Variants in TEX14 observed in about 807,000 individuals in gnomAD.
The protein encoded by TEX14 is testis expressed 14, intercellular bridge forming factor.
A neutral mutation model predicts 178.6 loss-of-function variants in TEX14; 168 were observed. The observed-to-expected ratio is 0.94, with a 90% CI of 0.83 to 1.07. The LOEUF is 1.07. Among genes scored for constraint, TEX14 ranks in the 50% least tolerant of loss-of-function variants. The pLI is 0.00. For synonymous variants in TEX14, 626 were observed against 634.1 expected, an observed-to-expected ratio of 0.99 and a Z score of 0.19; for missense variants, 1,730 against 1,753.6, an observed-to-expected ratio of 0.99 and a Z score of 0.24.
intron 18 of TEX14, 91 bp from the exon 19 acceptor site, chr17:58,584,691 A>G: frequency 5.7e-6 from 6 of 1,049,374 alleles, no homozygotes; most frequent in South Asian, 1.3e-5. Context: ...GAAGAGATGT[A>G]TACATATTCT....
At position 58,572,031 on chromosome 17, in the gene TEX14, C is replaced by A. The variant is rs747014221; in HGVS notation, c.3607G>T (p.Glu1203Ter). ...TEFASCWNSQ[E>*]FIQTLSDDFI... The stretch of plus-strand genomic sequence containing the variant: ...TCATCAGACAAAGTTTGAATAAATT[C>A]TTGACTGTTCCAGCAAGAGGCAAAC... The change falls in exon 24 of 32, where the codon GAA (glutamate) becomes TAA (stop). Residue 1203 changes from glutamate to a stop codon, truncating the protein, a stop_gained. Coordinates refer to ENST00000349033, the MANE Select transcript of TEX14 (RefSeq NM_031272.5). LOFTEE classifies it high-confidence loss of function. 6 of 1,614,108 alleles carry A rather than the reference C, an allele frequency of 3.7e-6. No individual in the cohort carries two copies. Among genetic ancestry groups the A allele is most frequent in the Non-Finnish European group, 1.7e-6 (2 of 1,180,000 alleles).
intron 29 of TEX14, among the ~76,000 whole-genome samples, chr17:58,560,810 T>C (rs2044258358): frequency 6.6e-6 from 1 of 152,230 alleles, no homozygotes; most frequent in African/African-American, 2.4e-5. Context: ...GTCCTAGGAC[T>C]CCTCTGAACA....
chr17:58,598,285 G>C (rs1168302028), intron 14 of TEX14, among the ~76,000 whole-genome samples: 8 of 147,918 alleles, frequency 5.4e-5, no homozygotes, highest in African/African-American at 1.5e-4. Context: ...CTGCACTCCA[G>C]CCTGGGCAAC....
At chr17:58,687,485 C>T (rs934206597) in intron 1 of TEX14, among the ~76,000 whole-genome samples, 2 of 152,014 alleles carry the variant, frequency 1.3e-5, no homozygotes, top group Admixed American at 1.3e-4. Flanking sequence ...ATCGGGTGCT[C>T]TACCCACACC....
At chr17:58,559,410 C>G in intron 30 of TEX14, 43 bp downstream of exon 30, 1 of 845,796 alleles carries the variant, frequency 1.2e-6, no homozygotes, top group Non-Finnish European at 1.9e-6. Context: ...ACATCAAAGC[C>G]CAAGGACTAC....
intron 1 of TEX14, chr17:58,660,338 T>C (rs1372402553): frequency 4.5e-6 from 1 of 221,684 alleles, no homozygotes; most frequent in Non-Finnish European, 8.6e-6. Context: ...GAGGTGGAGG[T>C]TGCAGTGAGC....
In TEX14 at chr17:58,621,735, C is replaced by A. The variant is rs919615029; in HGVS notation, c.469G>T (p.Gly157Cys). The A allele has an allele frequency of 6.2e-7, 1 of 1,614,158 alleles. No individual in the cohort carries two copies. The highest frequency in any genetic ancestry group is 8.5e-7 in the Non-Finnish European group (1 of 1,180,020). The change falls in exon 5 of 32, where the codon GGC (glycine) becomes TGC (cysteine). Residue 157 changes from glycine (G) to cysteine (C), a missense_variant. Physicochemically the swap from Gly to Cys is radical, Grantham distance 159. Coordinates refer to ENST00000349033, the MANE Select transcript of TEX14 (RefSeq NM_031272.5). ...CASHMQAIIQ[G>C]FSYDLLKKID... is the part of the protein sequence containing the mutation. ...TTCTTCAGGAGGTCGTAAGAGAAGCCCTGGATGATGGCCTGCATGTGTGAG... is the reference window on the plus strand; with the variant it reads ...TTCTTCAGGAGGTCGTAAGAGAAGCACTGGATGATGGCCTGCATGTGTGAG...
intron 15 of TEX14, among the ~76,000 whole-genome samples, chr17:58,591,448 G>C (rs926147810): frequency 5.3e-5 from 8 of 152,140 alleles, no homozygotes; most frequent in Non-Finnish European, 1.0e-4. Flanking sequence ...AACCTGGGAG[G>C]TGGAGGTTGC....
chr17:58,631,558 C>T (rs554483926), intron 2 of TEX14: 1 of 152,014 alleles, frequency 6.6e-6, no homozygotes, highest in East Asian at 1.9e-4. Context: ...TCAAAACACA[C>T]ATCTGGCATA....
chr17:58,589,430 C>T (rs558178821), intron 15 of TEX14, among the ~76,000 whole-genome samples: 5 of 146,398 alleles, frequency 3.4e-5, no homozygotes, highest in East Asian at 4.1e-4. Flanking sequence ...GGCATGGTGG[C>T]GGGCGCCTGT....
chr17:58,635,192 A>G (rs2046407140), intron 2 of TEX14, among the ~76,000 whole-genome samples: 1 of 152,102 alleles, frequency 6.6e-6, no homozygotes, highest in South Asian at 2.1e-4. Context: ...TGTTGCTATG[A>G]GTAATAAACC....
At chr17:58,563,801 C>T (rs1001310840) in intron 28 of TEX14, among the ~76,000 whole-genome samples, 3 of 139,186 alleles carry the variant, frequency 2.2e-5, no homozygotes, top group African/African-American at 7.9e-5. Flanking sequence ...TATATGTATA[C>T]ACACACACAG....
At chr17:58,657,009 A>G (rs945981600) in intron 1 of TEX14, among the ~76,000 whole-genome samples, 2 of 151,566 alleles carry the variant, frequency 1.3e-5, no homozygotes, top group Non-Finnish European at 2.9e-5. Context: ...GGATCTTGCT[A>G]CATTGCCCAG....
chr17:58,570,549 A>T (rs1187409275), intron 24 of TEX14, 65 bp from the exon 25 acceptor site: 2 of 1,112,834 alleles, frequency 1.8e-6, no homozygotes, highest in Non-Finnish European at 2.5e-6. Flanking sequence ...TATGCAGCTC[A>T]GTCATTTCCA....
chr17:58,626,615 C>G (rs2046150098), intron 3 of TEX14, among the ~76,000 whole-genome samples: 1 of 145,310 alleles, frequency 6.9e-6, no homozygotes, highest in Non-Finnish European at 1.5e-5. Flanking sequence ...GGTGTGGTAG[C>G]TCACACCTAA....
intron 28 of TEX14, among the ~76,000 whole-genome samples, chr17:58,563,811 GACACACACACACAC>G (rs113071230): frequency 2.2e-5 from 3 of 138,120 alleles, no homozygotes; most frequent in Admixed American, 1.5e-4. Flanking sequence ...CACACACACA[GACACACACACACAC>G]ACACACACAC....
At chr17:58,631,930 AT>A (rs1210065906) in intron 2 of TEX14, 3 of 152,254 alleles carry the variant, frequency 2.0e-5, no homozygotes, top group African/African-American at 7.2e-5. Flanking sequence ...TCTCGAAAAT[AT>A]TACTATGTGT....
chr17:58,670,127 A>G (rs1350187238), intron 1 of TEX14, among the ~76,000 whole-genome samples: 3 of 152,158 alleles, frequency 2.0e-5, no homozygotes, highest in African/African-American at 7.2e-5. Flanking sequence ...TCCCACGCTG[A>G]GCTCCCTCTG....
chr17:58,630,577 A>G, intron 2 of TEX14, 23 bp from the exon 3 acceptor site: 1 of 1,555,850 alleles, frequency 6.4e-7, no homozygotes, highest in Non-Finnish European at 8.9e-7. Context: ...TATCAGAATC[A>G]ATGCAAATAT....
Sources: allele counts gnomAD v4.1 joint callset (sites outside exome capture counted in the v4.1 genomes callset), GRCh38; gene constraint gnomAD v4.1.1; transcripts MANE v1.5; gene names NCBI Gene and HGNC (gene_info 2026-07-23, HGNC 2026-07-21).